MISFA: variants seen among roughly 807,000 people sequenced by gnomAD.
MISFA encodes the protein mitochondrial sheath formation associated.
At chr11:18,601,462 T>G in the MISFA span, 1 of 398,204 alleles carries the variant, frequency 2.5e-6, no homozygotes, top group East Asian at 3.6e-5. Flanking sequence ...TTTTTTTTTT[T>G]TTCTGAAACA....
chr11:18,600,828 C>CT, the MISFA span, among the ~76,000 whole-genome samples: 1 of 152,086 alleles, frequency 6.6e-6, no homozygotes, highest in Non-Finnish European at 1.5e-5. Context: ...CCAGGACATC[C>CT]TTTTAAGTCT....
chr11:18,606,251 A>T, the MISFA span: 1 of 156,518 alleles, frequency 6.4e-6, no homozygotes, highest in Non-Finnish European at 1.4e-5. Flanking sequence ...TGAATGTGTA[A>T]GGGAGAATAA....
chr11:18,608,659 G>A, the MISFA span: 1 of 152,194 alleles, frequency 6.6e-6, no homozygotes, highest in Non-Finnish European at 1.5e-5. Flanking sequence ...CAGCCTGATT[G>A]GAACTGCTTG....
chr11:18,609,858 C>T, the MISFA span: 211 of 1,613,542 alleles, frequency 1.3e-4, 1 homozygote, highest in African/African-American at 2.3e-3. Flanking sequence ...ATAAAAGCAG[C>T]AGCTAACGCC....
chr11:18,604,023 T>G, the MISFA span: 12 of 248,144 alleles, frequency 4.8e-5, no homozygotes, highest in East Asian at 6.7e-5. Flanking sequence ...GCCTCCCGGG[T>G]TCATGCCATT....
chr11:18,601,111 A>C, the MISFA span: 1 of 398,726 alleles, frequency 2.5e-6, no homozygotes, highest in East Asian at 3.6e-5. Context: ...CTGAAGTGGC[A>C]GGAGAGGTGG....
the MISFA span, chr11:18,600,014 C>T: frequency 2.5e-6 from 1 of 398,726 alleles, no homozygotes; most frequent in Admixed American, 4.4e-5. Context: ...AATGGCTCTG[C>T]CTGTAAATCC....
the MISFA span, chr11:18,603,756 C>CT: frequency 1.0e-5 from 4 of 398,894 alleles, no homozygotes; most frequent in African/African-American, 2.1e-5. Flanking sequence ...CACACACTTT[C>CT]TTTTTTCCCC....
At chr11:18,605,597 A>G in the MISFA span, among the ~76,000 whole-genome samples, 1 of 152,218 alleles carries the variant, frequency 6.6e-6, no homozygotes, top group Non-Finnish European at 1.5e-5. Context: ...ACTCTAGGAT[A>G]CTAGCATCTT....
the MISFA span, chr11:18,606,917 G>A: frequency 3.1e-6 from 1 of 323,706 alleles, no homozygotes. Flanking sequence ...CTGGAGTGCA[G>A]TGGTGCTATC....
At chr11:18,600,161 C>T in the MISFA span, among the ~76,000 whole-genome samples, 6 of 152,176 alleles carry the variant, frequency 3.9e-5, no homozygotes, top group East Asian at 1.2e-3. Flanking sequence ...TACCGGGCTA[C>T]TTCCCATCCC....
At chr11:18,603,917 CTTT>C in the MISFA span, 200 of 52,918 alleles carry the variant, frequency 3.8e-3, no homozygotes, top group Middle Eastern at 0.02. Context: ...AGTTACCGCA[CTTT>C]TTTTTTTTTT....
At chr11:18,601,071 C>T in the MISFA span, 3 of 398,524 alleles carry the variant, frequency 7.5e-6, no homozygotes, top group Admixed American at 4.4e-5. Flanking sequence ...TCTCTGCCCT[C>T]AAATTTTCTT....
the MISFA span, among the ~76,000 whole-genome samples, chr11:18,600,786 C>T: frequency 2.0e-5 from 3 of 152,144 alleles, no homozygotes; most frequent in Non-Finnish European, 4.4e-5. Flanking sequence ...CCCCAAAGTG[C>T]TGGGATTACA....
the MISFA span, chr11:18,609,203 T>TA: frequency 6.6e-6 from 1 of 152,402 alleles, no homozygotes; most frequent in Non-Finnish European, 1.5e-5. Context: ...TTATAACCTG[T>TA]ATTTTAACTT....
At chr11:18,607,950 C>G in the MISFA span, 1 of 152,094 alleles carries the variant, frequency 6.6e-6, no homozygotes, top group South Asian at 2.1e-4. Flanking sequence ...CTGTGACAAG[C>G]ACTTGATTGT....
the MISFA span, among the ~76,000 whole-genome samples, chr11:18,605,834 C>T: frequency 3.3e-5 from 5 of 152,152 alleles, no homozygotes; most frequent in East Asian, 1.9e-4. Context: ...GGGATTACAA[C>T]GCACGCCACA....
chr11:18,609,742 T>C, the MISFA span: 13 of 797,680 alleles, frequency 1.6e-5, no homozygotes, highest in Non-Finnish European at 2.7e-5. Flanking sequence ...ACAGTATGCA[T>C]TCCTTCTCCT....
At chr11:18,609,583 T>A in the MISFA span, 1 of 376,270 alleles carries the variant, frequency 2.7e-6, no homozygotes, top group Non-Finnish European at 4.8e-6. Flanking sequence ...GGCCCCACAT[T>A]AGAGTGCATA....
Sources: gnomAD v4.1 joint callset for allele counts (sites outside exome capture counted in the v4.1 genomes callset) on GRCh38, gnomAD v4.1.1 for gene constraint, MANE v1.5 for transcripts, NCBI Gene and HGNC (gene_info 2026-07-23, HGNC 2026-07-21) for gene names.